Variants in FUT9 observed in about 807,000 individuals in gnomAD.
The protein encoded by FUT9 is 4-galactosyl-N-acetylglucosaminide 3-alpha-L-fucosyltransferase 9.
Under a neutral mutation model 29.7 loss-of-function variants are expected in FUT9, and 15 were observed. The observed-to-expected ratio is 0.51, with a 90% CI of 0.34 to 0.78. The LOEUF (loss-of-function observed/expected upper bound fraction) is 0.78, where lower values mean the gene tolerates loss of function less well. Ranked by LOEUF, FUT9 falls within the 30% of genes least tolerant of loss-of-function variation. The pLI is 0.01. For synonymous variants in FUT9, 169 were observed against 153.7 expected, an observed-to-expected ratio of 1.10 and a Z score of -0.74; for missense variants, 319 against 425.4, an observed-to-expected ratio of 0.75 and a Z score of 2.20.
At chr6:96,123,662 G>T (rs961789899) in intron 2 of FUT9, among the ~76,000 whole-genome samples, 3 of 152,254 alleles carry the variant, frequency 2.0e-5, no homozygotes, top group African/African-American at 7.2e-5. Flanking sequence ...TGTAAAATCA[G>T]TTCTGATAGT....
chr6:96,058,749 C>T (rs187316652), intron 1 of FUT9, among the ~76,000 whole-genome samples: 229 of 152,244 alleles, frequency 1.5e-3, no homozygotes, highest in African/African-American at 5.3e-3. Flanking sequence ...ACCTGGCAAT[C>T]TTACCTCATG....
chr6:96,190,843 TG>T (rs1399613327), intron 2 of FUT9, among the ~76,000 whole-genome samples: 2 of 152,180 alleles, frequency 1.3e-5, no homozygotes, highest in Non-Finnish European at 2.9e-5. Flanking sequence ...TTCTTTGCGA[TG>T]GGTTCAAACT....
chr6:96,189,042 G>A (rs556683912), intron 2 of FUT9, among the ~76,000 whole-genome samples: 6 of 152,194 alleles, frequency 3.9e-5, no homozygotes, highest in South Asian at 2.1e-4. Context: ...AAAATGACAC[G>A]TGGTACTATA....
chr6:96,045,688 A>C (rs1042644734), intron 1 of FUT9, among the ~76,000 whole-genome samples: 1 of 152,134 alleles, frequency 6.6e-6, no homozygotes, highest in Non-Finnish European at 1.5e-5. Flanking sequence ...TGTAGAGAAA[A>C]GGGTGCTTGG....
chr6:96,102,493 T>C (rs1206039737), intron 1 of FUT9, among the ~76,000 whole-genome samples: 1 of 152,196 alleles, frequency 6.6e-6, no homozygotes, highest in African/African-American at 2.4e-5. Flanking sequence ...AAAATTTTCA[T>C]GTCAGGTGCT....
intron 2 of FUT9, among the ~76,000 whole-genome samples, chr6:96,171,268 G>T (rs138349622): frequency 1.2e-3 from 179 of 152,302 alleles, no homozygotes; most frequent in African/African-American, 4.2e-3. Flanking sequence ...GGATGAGAGT[G>T]ACTCCTCAGA....
At chr6:96,068,404 C>A (rs567836152) in intron 1 of FUT9, among the ~76,000 whole-genome samples, 1 of 152,146 alleles carries the variant, frequency 6.6e-6, no homozygotes, top group South Asian at 2.1e-4. Flanking sequence ...GTGAGTTAAC[C>A]AAAAATACCC....
intron 1 of FUT9, among the ~76,000 whole-genome samples, chr6:96,044,731 AT>A (rs1047232516): frequency 1.3e-5 from 2 of 152,174 alleles, no homozygotes; most frequent in African/African-American, 4.8e-5. Flanking sequence ...ATTATTTTTT[AT>A]AAATACTCTT....
chr6:96,037,696 A>G (rs1770387523), intron 1 of FUT9, among the ~76,000 whole-genome samples: 1 of 151,956 alleles, frequency 6.6e-6, no homozygotes, highest in Admixed American at 6.6e-5. Flanking sequence ...ATTTTTTTGA[A>G]TGTTAAAAAA....
At chr6:96,194,944 C>G (rs1773595766) in intron 2 of FUT9, among the ~76,000 whole-genome samples, 1 of 152,022 alleles carries the variant, frequency 6.6e-6, no homozygotes, top group South Asian at 2.1e-4. Flanking sequence ...CTAGCCACAG[C>G]TGAAGCCAGT....
intron 2 of FUT9, among the ~76,000 whole-genome samples, chr6:96,190,407 G>C (rs1773483812): frequency 6.6e-6 from 1 of 152,094 alleles, no homozygotes; most frequent in Admixed American, 6.6e-5. Flanking sequence ...TTCTTGAGGA[G>C]TATCTTTGTG....
At chr6:96,142,584 G>A (rs1326224409) in intron 2 of FUT9, among the ~76,000 whole-genome samples, 1 of 152,186 alleles carries the variant, frequency 6.6e-6, no homozygotes, top group Non-Finnish European at 1.5e-5. Context: ...TCCTACATCA[G>A]AGGCTGTCTC....
chr6:96,152,071 C>T (rs1772687177), intron 2 of FUT9, among the ~76,000 whole-genome samples: 1 of 152,126 alleles, frequency 6.6e-6, no homozygotes, highest in Non-Finnish European at 1.5e-5. Context: ...AAACTGTTCC[C>T]ATTTTTACAT....
At chr6:96,045,506 A>G (rs1418371486) in intron 1 of FUT9, among the ~76,000 whole-genome samples, 1 of 152,214 alleles carries the variant, frequency 6.6e-6, no homozygotes, top group African/African-American at 2.4e-5. Context: ...GACTCTCTTT[A>G]TTAAAAATGA....
chr6:96,062,998 G>A (rs1366798757), intron 1 of FUT9, among the ~76,000 whole-genome samples: 3 of 152,154 alleles, frequency 2.0e-5, no homozygotes, highest in African/African-American at 4.8e-5. Context: ...ATGATGTGGA[G>A]CAGGGAATTT....
At chr6:96,064,761 G>C (rs1403562917) in intron 1 of FUT9, among the ~76,000 whole-genome samples, 1 of 151,758 alleles carries the variant, frequency 6.6e-6, no homozygotes, top group Non-Finnish European at 1.5e-5. Context: ...GCATGCATGT[G>C]CACACACACG....
chr6:96,065,221 A>G (rs1258701839), intron 1 of FUT9, among the ~76,000 whole-genome samples: 2 of 152,172 alleles, frequency 1.3e-5, no homozygotes, highest in African/African-American at 2.4e-5. Context: ...AAGATAAGGC[A>G]ATTAAACTGA....
At chr6:96,126,280 G>A (rs1772132257) in intron 2 of FUT9, among the ~76,000 whole-genome samples, 1 of 152,154 alleles carries the variant, frequency 6.6e-6, no homozygotes, top group South Asian at 2.1e-4. Flanking sequence ...TTTATTCATG[G>A]AGGAAGGCAA....
At chr6:96,141,621 C>G (rs6920473) in intron 2 of FUT9, among the ~76,000 whole-genome samples, 26,692 of 152,120 alleles carry the variant, frequency 0.18, 2,721 homozygotes, top group East Asian at 0.31. Context: ...TATTCACAGA[C>G]GCTTGCACTT....
Sources: allele counts gnomAD v4.1 joint callset (sites outside exome capture counted in the v4.1 genomes callset), GRCh38; gene constraint gnomAD v4.1.1; transcripts MANE v1.5; gene names NCBI Gene and HGNC (gene_info 2026-07-23, HGNC 2026-07-21).